Variants in ARHGAP12 observed in about 807,000 individuals in gnomAD.
ARHGAP12 encodes the protein rho GTPase-activating protein 12.
In ARHGAP12, 64 loss-of-function variants were observed where a neutral mutation model predicts 108.6. The observed-to-expected ratio is 0.59, with a 90% CI of 0.48 to 0.73. The LOEUF (loss-of-function observed/expected upper bound fraction) is 0.73. Among genes scored for constraint, ARHGAP12 ranks in the 30% least tolerant of loss-of-function variants. The pLI is 0.00. For synonymous variants in ARHGAP12, 312 were observed against 337.2 expected, an observed-to-expected ratio of 0.93 and a Z score of 0.82; for missense variants, 940 against 1,005.9, an observed-to-expected ratio of 0.93 and a Z score of 0.89.
intron 3 of ARHGAP12, among the ~76,000 whole-genome samples, chr10:31,896,448 G>A (rs1838700244): frequency 6.6e-6 from 1 of 151,968 alleles, no homozygotes; most frequent in Admixed American, 6.6e-5. Context: ...CTAAATGTCA[G>A]GTTGTCAGTT....
At chr10:31,907,618 A>G (rs1418464211) in intron 3 of ARHGAP12, among the ~76,000 whole-genome samples, 6 of 149,548 alleles carry the variant, frequency 4.0e-5, no homozygotes, top group Non-Finnish European at 8.9e-5. Flanking sequence ...TAGGCAACAG[A>G]GCAAGACCTT....
chr10:31,912,481 C>T (rs1410200606), intron 1 of ARHGAP12, among the ~76,000 whole-genome samples: 3 of 152,156 alleles, frequency 2.0e-5, no homozygotes, highest in African/African-American at 7.2e-5. Flanking sequence ...ACTACACCTT[C>T]CCCACAGTGA....
chr10:31,805,648 T>TCACACA lies in ARHGAP12; in HGVS notation c.*2004_*2009dup, dbSNP rs3028478. 0.078 allele frequency: 11,228 copies of TCACACA among 144,080 alleles called. 659 individuals are homozygous for TCACACA. The highest frequency in any genetic ancestry group is 0.16 in the African/African-American group (6,229 of 37,762). The allele number at this position is 144,080 out of a possible 1,614,324, so 8.9% of individuals were successfully genotyped here. Reference sequence around the variant, plus strand: ...GTAGACTAATAAAACATTTAAGACTTCACACACACACACACACACACACAC... The same window carrying TCACACA: ...GTAGACTAATAAAACATTTAAGACTTCACACACACACACACACACACACACACACAC... On this transcript the variant is annotated 3_prime_UTR_variant, in exon 20 of 20. Coordinates refer to ENST00000344936, the MANE Select transcript of ARHGAP12 (RefSeq NM_018287.7).
chr10:31,892,222 C>T (rs1001425647), intron 3 of ARHGAP12, among the ~76,000 whole-genome samples: 9 of 152,148 alleles, frequency 5.9e-5, no homozygotes, highest in Admixed American at 5.2e-4. Context: ...AAATAACCAG[C>T]TAACATCATA....
At position 31,857,843 on chromosome 10, in the gene ARHGAP12, G is replaced by T. The variant is rs1429920553; in HGVS notation, c.948+3552C>A. On this transcript the variant is annotated intron_variant, in intron 4 of 19. Coordinates refer to ENST00000344936, the MANE Select transcript of ARHGAP12 (RefSeq NM_018287.7). ...ATACCCATGTTCTTCAAAAGTAAAA[G>T]TAAAATAAATTTTCAGACAAAAACT... 2.6e-5 allele frequency among the ~76,000 whole-genome samples: 4 copies of T among 152,264 alleles called. No individual in the cohort carries two copies. In the East Asian group the frequency reaches 7.7e-4, roughly 29 times the overall value.
intron 3 of ARHGAP12, among the ~76,000 whole-genome samples, chr10:31,894,545 T>C (rs1029209273): frequency 3.9e-5 from 6 of 152,158 alleles, no homozygotes; most frequent in African/African-American, 9.7e-5. Flanking sequence ...TTACAAGGGA[T>C]GTGAAGGACC....
At chr10:31,915,694 A>C (rs576352092) in intron 1 of ARHGAP12, among the ~76,000 whole-genome samples, 2 of 152,356 alleles carry the variant, frequency 1.3e-5, no homozygotes, top group African/African-American at 4.8e-5. Flanking sequence ...TATATTGTAC[A>C]TAATAAAAAA....
intron 6 of ARHGAP12, among the ~76,000 whole-genome samples, chr10:31,851,474 T>C (rs186741627): frequency 1.1e-4 from 16 of 152,294 alleles, no homozygotes; most frequent in African/African-American, 3.8e-4. Flanking sequence ...CACCTACACA[T>C]TGTTCCATGA....
intron 13 of ARHGAP12, 121 bp downstream of exon 13, chr10:31,817,667 G>T: frequency 1.7e-6 from 1 of 588,360 alleles, no homozygotes; most frequent in Non-Finnish European, 2.9e-6. Flanking sequence ...TTCCATCTCT[G>T]TCAAACATAT....
At chr10:31,852,705 T>A in intron 5 of ARHGAP12, 108 bp from the exon 6 acceptor site, 28 of 595,082 alleles carry the variant, frequency 4.7e-5, no homozygotes, top group Non-Finnish European at 7.1e-5. Flanking sequence ...TTCTACTTGA[T>A]CAAGAACATT....
At chr10:31,819,434 A>G (rs1231956920) in intron 12 of ARHGAP12, among the ~76,000 whole-genome samples, 2 of 152,154 alleles carry the variant, frequency 1.3e-5, no homozygotes, top group Admixed American at 1.3e-4. Flanking sequence ...CTGTAACCAC[A>G]CCCTTCTGGA....
chr10:31,885,924 A>G (rs889189249), intron 3 of ARHGAP12, among the ~76,000 whole-genome samples: 3 of 152,184 alleles, frequency 2.0e-5, no homozygotes, highest in Non-Finnish European at 4.4e-5. Context: ...AATCTTTTGT[A>G]GATTCTGTGA....
At chr10:31,901,534 CAAAAA>C (rs61402251) in intron 3 of ARHGAP12, among the ~76,000 whole-genome samples, 2 of 64,246 alleles carry the variant, frequency 3.1e-5, no homozygotes, top group East Asian at 5.4e-4. Flanking sequence ...AACCTGGTCT[CAAAAA>C]AAAAAAAAAA....
intron 1 of ARHGAP12, among the ~76,000 whole-genome samples, chr10:31,927,457 G>A (rs1231595555): frequency 1.3e-5 from 2 of 152,126 alleles, no homozygotes; most frequent in African/African-American, 2.4e-5. Context: ...CTAACCTCTA[G>A]AAGTCGGGTG....
Position 31,807,326 on chromosome 10 carries a change from GA to G in ARHGAP12, c.*331del. On this transcript the variant is annotated 3_prime_UTR_variant, in exon 20 of 20. Transcript: ENST00000344936. ...AGAAAGTACATTATCCAATTTCAGG[GA>G]AAAAAAATACAGTTTTCTTACCAAA... 4.4e-5 allele frequency: 8 copies of G among 180,448 alleles called. No individual in the cohort carries two copies. The highest frequency in any genetic ancestry group is 1.9e-4 in the South Asian group (1 of 5,342). 11.2% of individuals were successfully genotyped at this position (180,448 alleles called of 1,614,324 possible).
At chr10:31,838,919 CT>C (rs1836138251) in intron 9 of ARHGAP12, among the ~76,000 whole-genome samples, 1 of 151,498 alleles carries the variant, frequency 6.6e-6, no homozygotes, top group African/African-American at 2.4e-5. Flanking sequence ...GGAGAATCAC[CT>C]AAGCCTGGTG....
At chr10:31,894,324 G>A (rs536394407) in intron 3 of ARHGAP12, among the ~76,000 whole-genome samples, 7 of 152,198 alleles carry the variant, frequency 4.6e-5, no homozygotes, top group South Asian at 2.1e-4. Flanking sequence ...GTTTGCAGAT[G>A]ACATGATTGT....
chr10:31,850,799 T>C (rs1283174523), intron 6 of ARHGAP12, among the ~76,000 whole-genome samples: 1 of 152,080 alleles, frequency 6.6e-6, no homozygotes, highest in Non-Finnish European at 1.5e-5. Context: ...TTCTTCAGAG[T>C]TCTGAGTGCT....
intron 6 of ARHGAP12, among the ~76,000 whole-genome samples, chr10:31,845,826 G>A (rs1232528249): frequency 1.3e-5 from 2 of 152,026 alleles, no homozygotes; most frequent in Non-Finnish European, 2.9e-5. Flanking sequence ...CCTTACAGAA[G>A]CATATTCTTG....
Sources: allele counts gnomAD v4.1 joint callset (sites outside exome capture counted in the v4.1 genomes callset), GRCh38; gene constraint gnomAD v4.1.1; transcripts MANE v1.5; gene names NCBI Gene and HGNC (gene_info 2026-07-23, HGNC 2026-07-21).